CLIC5: variants seen among roughly 807,000 people sequenced by gnomAD.
CLIC5 encodes the protein CLIC family member 5, also known as chloride intracellular channel protein 5.
Under a neutral mutation model 24.7 loss-of-function variants are expected in CLIC5, and 20 were observed. The observed-to-expected ratio is 0.81, with a 90% CI of 0.57 to 1.18. The LOEUF is 1.18. Among genes scored for constraint, CLIC5 ranks in the 50% most tolerant of loss-of-function variants. The pLI, the probability that CLIC5 is intolerant of heterozygous loss-of-function variation, is 0.00. For missense variants in CLIC5, 341 were observed against 326.1 expected (o/e 1.05, Z -0.35); for synonymous variants, 159 against 135.6 (o/e 1.17, Z -1.20).
At chr6:45,975,241 C>G (rs191675357) in intron 1 of CLIC5, among the ~76,000 whole-genome samples, 2 of 152,220 alleles carry the variant, frequency 1.3e-5, no homozygotes, top group East Asian at 3.9e-4. Context: ...TCGGCCTGAC[C>G]TGGGGACTGG....
At chr6:46,076,118 C>G (rs141980850) in intron 1 of CLIC5, among the ~76,000 whole-genome samples, 1 of 152,276 alleles carries the variant, frequency 6.6e-6, no homozygotes, top group African/African-American at 2.4e-5. Context: ...CCAAAATCGC[C>G]CAATGCCTCC....
At chr6:45,909,452 C>A (rs1007592938) in intron 5 of CLIC5, among the ~76,000 whole-genome samples, 2 of 152,122 alleles carry the variant, frequency 1.3e-5, no homozygotes, top group Admixed American at 1.3e-4. Flanking sequence ...CCTTAAGGAT[C>A]TCTTGTAAGT....
intron 2 of CLIC5, among the ~76,000 whole-genome samples, chr6:45,952,415 A>C (rs1764503410): frequency 6.6e-6 from 1 of 152,238 alleles, no homozygotes; most frequent in African/African-American, 2.4e-5. Flanking sequence ...ACCAACATGC[A>C]ACGAGTTCTT....
At chr6:46,026,914 A>G (rs1030855950) in intron 1 of CLIC5, among the ~76,000 whole-genome samples, 3 of 152,316 alleles carry the variant, frequency 2.0e-5, no homozygotes, top group East Asian at 1.9e-4. Context: ...AGATAACCAG[A>G]AGATGAGATA....
At chr6:45,957,438 C>T (rs141473289) in intron 1 of CLIC5, among the ~76,000 whole-genome samples, 25 of 152,188 alleles carry the variant, frequency 1.6e-4, no homozygotes, top group African/African-American at 4.6e-4. Flanking sequence ...CCAGGACGAA[C>T]GCAGGTGGTC....
At chr6:45,891,584 G>A (rs1044385477) in intron 6 of CLIC5, among the ~76,000 whole-genome samples, 12 of 148,888 alleles carry the variant, frequency 8.1e-5, no homozygotes, top group African/African-American at 2.2e-4. Flanking sequence ...TCAGTGAGGC[G>A]AGATCATGCC....
intron 5 of CLIC5, among the ~76,000 whole-genome samples, chr6:45,906,737 T>G (rs1035751039): frequency 2.6e-5 from 4 of 152,098 alleles, no homozygotes; most frequent in Non-Finnish European, 5.9e-5. Context: ...TAATTTTGTG[T>G]TTTTAGTAGA....
chr6:46,084,014 G>A (rs769882971), upstream of CLIC5, among the ~76,000 whole-genome samples: 10 of 152,190 alleles, frequency 6.6e-5, no homozygotes, highest in Admixed American at 2.0e-4. Flanking sequence ...GAATTGATCC[G>A]TTTGCCATTA....
intron 1 of CLIC5, among the ~76,000 whole-genome samples, chr6:46,009,894 A>G (rs186209211): frequency 4.1e-4 from 63 of 152,346 alleles, no homozygotes; most frequent in Admixed American, 7.8e-4. Context: ...CCAGTGGGTC[A>G]GGGATCTGCA....
chr6:46,027,359 G>C (rs1767363823), intron 1 of CLIC5, among the ~76,000 whole-genome samples: 1 of 152,196 alleles, frequency 6.6e-6, no homozygotes, highest in South Asian at 2.1e-4. Context: ...CAGCATGTAT[G>C]ATGGCCCTTA....
intron 4 of CLIC5, among the ~76,000 whole-genome samples, chr6:45,918,242 A>G (rs3777545): frequency 0.033 from 5,007 of 152,286 alleles, 202 homozygotes; most frequent in African/African-American, 0.082. Context: ...TCACTTCCAG[A>G]TTCATTGAGG....
At chr6:45,978,873 C>T (rs979699475) in intron 1 of CLIC5, among the ~76,000 whole-genome samples, 11 of 151,886 alleles carry the variant, frequency 7.2e-5, no homozygotes, top group Admixed American at 3.3e-4. Context: ...TGGCTTGAAC[C>T]CAGGATGCGG....
intron 1 of CLIC5, among the ~76,000 whole-genome samples, chr6:46,033,317 A>G (rs1472711083): frequency 6.6e-6 from 1 of 151,226 alleles, no homozygotes; most frequent in Non-Finnish European, 1.5e-5. Flanking sequence ...TTTAAGATGT[A>G]TGCAGACTTA....
At chr6:45,992,988 A>G (rs1765996866) in intron 1 of CLIC5, among the ~76,000 whole-genome samples, 1 of 152,212 alleles carries the variant, frequency 6.6e-6, no homozygotes, top group African/African-American at 2.4e-5. Context: ...CTAACTGGGC[A>G]GAGGTCTGAA....
chr6:45,924,022 T>A (rs1763378261), intron 4 of CLIC5, among the ~76,000 whole-genome samples: 1 of 152,216 alleles, frequency 6.6e-6, no homozygotes, highest in Non-Finnish European at 1.5e-5. Context: ...GTGCCCGGCA[T>A]GCTGTAAGCA....
chr6:45,947,606 A>G (rs991668308), intron 3 of CLIC5, among the ~76,000 whole-genome samples: 3 of 152,206 alleles, frequency 2.0e-5, no homozygotes, highest in African/African-American at 7.2e-5. Flanking sequence ...TAAGAGGGAA[A>G]ATGTTAACTG....
chr6:46,128,747 G>C, the CLIC5 span, among the ~76,000 whole-genome samples: 2 of 152,156 alleles, frequency 1.3e-5, no homozygotes, highest in Non-Finnish European at 2.9e-5. Context: ...CAGGTTCTAG[G>C]GATTCAGCTA....
the CLIC5 span, among the ~76,000 whole-genome samples, chr6:46,100,625 T>G: frequency 6.6e-6 from 1 of 152,240 alleles, no homozygotes; most frequent in African/African-American, 2.4e-5. Context: ...AACATCATTG[T>G]ATTCTAATGT....
intron 1 of CLIC5, among the ~76,000 whole-genome samples, chr6:46,026,167 C>A (rs866685070): frequency 6.6e-6 from 1 of 152,096 alleles, no homozygotes; most frequent in African/African-American, 2.4e-5. Flanking sequence ...ATTACAAGTG[C>A]TTTCTTGGAG....
Sources: gnomAD v4.1 joint callset for allele counts (sites outside exome capture counted in the v4.1 genomes callset) on GRCh38, gnomAD v4.1.1 for gene constraint, MANE v1.5 for transcripts, NCBI Gene and HGNC (gene_info 2026-07-23, HGNC 2026-07-21) for gene names.